Variants in WDR89 observed in about 807,000 individuals in gnomAD.
WDR89 encodes WD repeat domain 89.
A neutral mutation model predicts 29.1 loss-of-function variants in WDR89; 17 were observed. The ratio of observed to expected loss-of-function variants is 0.58; its 90% CI spans 0.40 to 0.88. The LOEUF is 0.88. Ranked by LOEUF, WDR89 falls within the 40% of genes least tolerant of loss-of-function variation. The pLI is 0.00. For synonymous variants in WDR89, 138 were observed against 157.8 expected, an observed-to-expected ratio of 0.87 and a Z score of 0.94; for missense variants, 396 against 456.3, an observed-to-expected ratio of 0.87 and a Z score of 1.20.
intron 1 of WDR89, among the ~76,000 whole-genome samples, chr14:63,625,859 CTTT>C (rs60153501): frequency 1.1e-4 from 15 of 142,816 alleles, no homozygotes; most frequent in Admixed American, 5.7e-4. Context: ...TAGAAGAGGA[CTTT>C]TTTTTTTTTT....
intron 2 of WDR89, among the ~76,000 whole-genome samples, chr14:63,611,708 A>C (rs1882001089): frequency 6.6e-6 from 1 of 151,908 alleles, no homozygotes; most frequent in African/African-American, 2.4e-5. Flanking sequence ...CCCCCAAAAA[A>C]AAATTTTTTT....
At chr14:63,614,201 T>C (rs990632693) in intron 2 of WDR89, among the ~76,000 whole-genome samples, 8 of 152,040 alleles carry the variant, frequency 5.3e-5, no homozygotes, top group African/African-American at 1.9e-4. Flanking sequence ...ATGTGTAAAG[T>C]GACAAGGCCA....
intron 1 of WDR89, among the ~76,000 whole-genome samples, chr14:63,630,491 A>C (rs1883326394): frequency 6.6e-6 from 1 of 151,888 alleles, no homozygotes; most frequent in African/African-American, 2.4e-5. Context: ...AAAAATTACA[A>C]AAATTAGCCG....
intron 1 of WDR89, among the ~76,000 whole-genome samples, chr14:63,641,598 G>A (rs1295728189): frequency 6.6e-6 from 1 of 152,170 alleles, no homozygotes; most frequent in Non-Finnish European, 1.5e-5. Flanking sequence ...CTTTGGCCAG[G>A]GCCAGCACAG....
Position 63,634,733 on chromosome 14 carries a change from G to A in WDR89, c.-138+7071C>T, listed in dbSNP as rs981150677. 5.3e-5 allele frequency among the ~76,000 whole-genome samples: 8 copies of A among 152,176 alleles called. No individual in the cohort carries two copies. In the South Asian group the frequency reaches 6.2e-4, roughly 12 times the overall value. On this transcript the variant is annotated intron_variant, in intron 1 of 2. Transcript: ENST00000620954. ...AAAAATACAAAATTAGCCAGGCATG[G>A]TGGCACATGCCTATAATCCCAGCTA... is the stretch of plus-strand genomic sequence containing the variant.
chr14:63,603,364 T>C (rs60269901), intron 2 of WDR89, among the ~76,000 whole-genome samples: 14,387 of 152,194 alleles, frequency 0.095, 1,354 homozygotes, highest in African/African-American at 0.24. Context: ...AATACTTCAC[T>C]ATAACAGCAT....
At chr14:63,624,395 A>G (rs1440842716) in intron 2 of WDR89, among the ~76,000 whole-genome samples, 1 of 147,284 alleles carries the variant, frequency 6.8e-6, no homozygotes, top group Non-Finnish European at 1.5e-5. Flanking sequence ...TTAGCCCGGG[A>G]GGTGGAGCTT....
intron 2 of WDR89, chr14:63,621,685 G>C (rs1882704375): frequency 6.6e-6 from 1 of 152,140 alleles, no homozygotes; most frequent in South Asian, 2.1e-4. Context: ...CAAAAGGACA[G>C]AAAAACCTAC....
chr14:63,611,359 A>AAAAG (rs1555374334), intron 2 of WDR89, among the ~76,000 whole-genome samples: 2 of 139,900 alleles, frequency 1.4e-5, no homozygotes, highest in African/African-American at 5.9e-5. Flanking sequence ...AAAAAAAAAA[A>AAAAG]GCTTTAAGAT....
intron 2 of WDR89, among the ~76,000 whole-genome samples, chr14:63,611,045 G>T (rs1881952307): frequency 6.6e-6 from 1 of 151,666 alleles, no homozygotes; most frequent in Non-Finnish European, 1.5e-5. Context: ...CTCTTCAAAA[G>T]TTTCAAGATC....
At chr14:63,637,952 ATTTT>A (rs1013382698) in intron 1 of WDR89, among the ~76,000 whole-genome samples, 3 of 147,678 alleles carry the variant, frequency 2.0e-5, no homozygotes, top group African/African-American at 7.4e-5. Context: ...TTACGGAAAA[ATTTT>A]TTTTTTTTCA....
chr14:63,625,917 G>A (rs964030590), intron 1 of WDR89, among the ~76,000 whole-genome samples: 10 of 150,964 alleles, frequency 6.6e-5, no homozygotes, highest in Middle Eastern at 3.2e-3. Context: ...GCAGCAGCGT[G>A]ATCTCAGCTC....
rs1894893028 is a variant in WDR89, at chr14:63,598,613, A to G, written c.*166T>C. ...ATACTTAGAGGCTTTAAAATTTTTT[A>G]GAATATGTGAAGACCGGAATTAAAC... is the stretch of plus-strand genomic sequence containing the variant. On this transcript the variant is annotated 3_prime_UTR_variant, in exon 3 of 3. Transcript: ENST00000620954. The G allele has an allele frequency of 1.9e-6, 1 of 536,786 alleles. No homozygotes were observed. Among genetic ancestry groups the G allele is most frequent in the Non-Finnish European group, 2.9e-6 (1 of 343,490 alleles). 33.3% of individuals were successfully genotyped at this position (536,786 alleles called of 1,614,324 possible). A position where few individuals can be genotyped will look rare whatever the true frequency, so the allele number is the denominator to read the frequency against.
chr14:63,619,145 T>C (rs939656968), intron 2 of WDR89, among the ~76,000 whole-genome samples: 9 of 152,170 alleles, frequency 5.9e-5, no homozygotes, highest in African/African-American at 2.2e-4. Flanking sequence ...GAGAGAAACC[T>C]CCTGTTGGGG....
chr14:63,632,249 G>A (rs1429800531), intron 1 of WDR89, among the ~76,000 whole-genome samples: 1 of 152,122 alleles, frequency 6.6e-6, no homozygotes, highest in Non-Finnish European at 1.5e-5. Context: ...GGATGGCCAA[G>A]GACAAACATT....
At chr14:63,600,796 G>A (rs1895030281) in intron 2 of WDR89, among the ~76,000 whole-genome samples, 1 of 138,624 alleles carries the variant, frequency 7.2e-6, no homozygotes, top group Non-Finnish European at 1.5e-5. Context: ...TGGAATCTGT[G>A]AATATGTTAG....
chr14:63,603,733 C>T (rs1001456763), intron 2 of WDR89, among the ~76,000 whole-genome samples: 1 of 152,178 alleles, frequency 6.6e-6, no homozygotes, highest in Non-Finnish European at 1.5e-5. Flanking sequence ...CTGTAAGCCC[C>T]ACATGAGAAA....
In WDR89 at chr14:63,598,962, G is replaced by C; in HGVS notation, c.981C>G (p.Phe327Leu). 1 of 1,614,182 alleles carries C rather than the reference G, an allele frequency of 6.2e-7. No individual in the cohort carries two copies. The highest frequency in any genetic ancestry group is 8.5e-7 in the Non-Finnish European group (1 of 1,180,018). Reference sequence around the variant, plus strand: ...AAGAATCATCTTGCACATTCCAACAGAAAGAACGGACTGTAGCAGCATGCC... The same window carrying C: ...AAGAATCATCTTGCACATTCCAACACAAAGAACGGACTGTAGCAGCATGCC... ...QGGHAATVRSFCWNVQDDSLL... is the reference protein window; with the variant it reads ...QGGHAATVRSLCWNVQDDSLL... The change falls in exon 3 of 3, where the codon TTC becomes TTG. Residue 327 changes from phenylalanine to leucine, a missense_variant. Transcript: ENST00000620954.
chr14:63,641,650 A>T (rs1884148857), intron 1 of WDR89, among the ~76,000 whole-genome samples, 154 bp downstream of exon 1: 1 of 152,242 alleles, frequency 6.6e-6, no homozygotes. Flanking sequence ...GACTGCCAAC[A>T]CGTGCACACT....
Sources: gnomAD v4.1 joint callset for allele counts (sites outside exome capture counted in the v4.1 genomes callset) on GRCh38, gnomAD v4.1.1 for gene constraint, MANE v1.5 for transcripts, NCBI Gene and HGNC (gene_info 2026-07-23, HGNC 2026-07-21) for gene names.